FAM193A: variants seen among roughly 807,000 people sequenced by gnomAD.
FAM193A encodes the protein family with sequence similarity 193 member A, also known as protein FAM193A.
In FAM193A, 22 loss-of-function variants were observed where a neutral mutation model predicts 126.5. The ratio of observed to expected loss-of-function variants is 0.17; its 90% confidence interval spans 0.12 to 0.25. The LOEUF (loss-of-function observed/expected upper bound fraction) is 0.25. FAM193A is among the 10% of genes least tolerant of loss of function. The pLI is 1.00. For missense variants in FAM193A, 1,675 were observed against 1,672.8 expected, an observed-to-expected ratio of 1.00 and a Z score of -0.02; for synonymous variants, 761 against 646.8, an observed-to-expected ratio of 1.18 and a Z score of -2.68.
intron 15 of FAM193A, among the ~76,000 whole-genome samples, chr4:2,693,100 G>A (rs950863390): frequency 6.6e-6 from 1 of 152,004 alleles, no homozygotes; most frequent in African/African-American, 2.4e-5. Context: ...CCAGGCTGCT[G>A]GAGTGCAGTG....
At position 2,690,952 on chromosome 4, in the gene FAM193A, A is replaced by C; in HGVS notation, c.2785A>C (p.Lys929Gln). The C allele has an allele frequency of 6.2e-7, 1 of 1,613,228 alleles. No individual in the cohort carries two copies. The highest frequency in any genetic ancestry group is 8.5e-7 in the Non-Finnish European group (1 of 1,179,336). ...SSNSQFRVSS[K>Q]RPPSVGDVFH... is the part of the protein sequence containing the mutation. ...CAACAGCCAGTTCAGAGTGTCATCC[A>C]AGAGACCTCCTTCAGTAGGTAAGGC... The change falls in exon 15 of 21, where the codon AAG becomes CAG. Residue 929 changes from lysine to glutamine, a missense_variant. Lys to Gln is a moderately conservative substitution (Grantham distance 53). This residue lies in a region of FAM193A where 1,186 missense variants were observed against 1,109.2 expected (regional missense o/e 1.07). Transcript: ENST00000637812.
intron 19 of FAM193A, among the ~76,000 whole-genome samples, chr4:2,706,875 C>T (rs1718371116): frequency 6.6e-6 from 1 of 151,134 alleles, no homozygotes; most frequent in Non-Finnish European, 1.5e-5. Context: ...AATCCCAGCA[C>T]TTTGGGAGGC....
At chr4:2,559,666 T>A (rs1378056804) in intron 1 of FAM193A, among the ~76,000 whole-genome samples, 2 of 152,194 alleles carry the variant, frequency 1.3e-5, no homozygotes, top group Middle Eastern at 3.2e-3. Context: ...GTGAACACAC[T>A]CTGCTGCTTC....
rs935719139 is a variant in FAM193A at position 2,657,792 on chromosome 4, C to G, written c.1312-11C>G. ...TTTCTTTTTTTTCTGTTTTTTACAT[C>G]CCCTTACTAGATGACAATGAAAACC... On this transcript the variant is annotated splice_polypyrimidine_tract_variant and intron_variant, in intron 7 of 20. Transcript: ENST00000637812. The G allele has an allele frequency of 8.2e-6, 13 of 1,583,700 alleles. No homozygotes were observed. The highest frequency in any genetic ancestry group is 1.1e-5 in the Non-Finnish European group (13 of 1,166,230).
chr4:2,627,985 G>T (rs553429248), intron 4 of FAM193A, among the ~76,000 whole-genome samples: 425 of 152,012 alleles, frequency 2.8e-3, no homozygotes, highest in African/African-American at 7.8e-3. Flanking sequence ...GTTGTGATCT[G>T]CCCGCCTCGG....
chr4:2,541,970 C>G (rs1449380895), intron 1 of FAM193A, among the ~76,000 whole-genome samples: 1 of 151,922 alleles, frequency 6.6e-6, no homozygotes, highest in East Asian at 1.9e-4. Context: ...CCTGCCTCAG[C>G]CTCCCGAGTA....
In FAM193A at chr4:2,559,244, C is replaced by T. The variant is rs114668359; in HGVS notation, c.255+22074C>T. On this transcript the variant is annotated intron_variant, in intron 1 of 20. Transcript: ENST00000637812. The stretch of plus-strand genomic sequence containing the variant: ...AGAACTTCAGAACTGGAGGGGACAA[C>T]GACAGAGCCCCTGTTTATTGCCAAG... Among the ~76,000 whole-genome samples the T allele has an allele frequency of 6.5e-3, 983 of 152,204 alleles. 13 individuals are homozygous for T. The highest frequency in any genetic ancestry group is 0.023 in the African/African-American group (941 of 41,540).
chr4:2,679,956 T>C (rs1313560467), intron 13 of FAM193A, among the ~76,000 whole-genome samples: 2 of 151,112 alleles, frequency 1.3e-5, no homozygotes, highest in Admixed American at 6.6e-5. Flanking sequence ...GCCTCTCAGA[T>C]TCTAAGCGAT....
chr4:2,545,232 A>T (rs779334703), intron 1 of FAM193A, among the ~76,000 whole-genome samples: 2 of 152,238 alleles, frequency 1.3e-5, no homozygotes, highest in African/African-American at 2.4e-5. Context: ...ACCTCAGGTG[A>T]TCTGCCAGCC....
At chr4:2,567,399 C>T (rs1240095478) in intron 1 of FAM193A, among the ~76,000 whole-genome samples, 1 of 152,152 alleles carries the variant, frequency 6.6e-6, no homozygotes, top group East Asian at 1.9e-4. Context: ...GGACCTTTTT[C>T]AGCAAAGACT....
rs28586572 is a variant in FAM193A at position 2,706,954 on chromosome 4, C to G, written c.4372+6410C>G. 3.8e-3 allele frequency among the ~76,000 whole-genome samples: 585 copies of G among 152,024 alleles called. 3 individuals are homozygous for G. Among genetic ancestry groups the G allele is most frequent in the African/African-American group, 0.014 (567 of 41,454 alleles). On this transcript the variant is annotated intron_variant, in intron 19 of 20. Transcript: ENST00000637812. ...TGGCCAACATGGTGAAACACCATCT[C>G]TACTAAAGATAAAAAAAATTAGCCA... is the stretch of plus-strand genomic sequence containing the variant.
intron 5 of FAM193A, among the ~76,000 whole-genome samples, chr4:2,636,218 C>A (rs770557493): frequency 2.0e-5 from 3 of 151,884 alleles, no homozygotes; most frequent in Non-Finnish European, 4.4e-5. Flanking sequence ...TGGGTGCCAC[C>A]ACGCCAGGCT....
intron 2 of FAM193A, among the ~76,000 whole-genome samples, chr4:2,597,340 GT>G (rs1230208578): frequency 3.3e-5 from 5 of 152,060 alleles, no homozygotes; most frequent in African/African-American, 1.2e-4. Flanking sequence ...TCTTTGTGTG[GT>G]TTTTTTGTTT....
chr4:2,620,924 G>A (rs892739406), intron 2 of FAM193A, among the ~76,000 whole-genome samples: 5 of 151,726 alleles, frequency 3.3e-5, no homozygotes, highest in African/African-American at 7.3e-5. Context: ...GAATATGGCC[G>A]GGGCAGATTT....
chr4:2,558,083 G>A (rs528645905), intron 1 of FAM193A, among the ~76,000 whole-genome samples: 1 of 152,256 alleles, frequency 6.6e-6, no homozygotes, highest in East Asian at 1.9e-4. Flanking sequence ...GACCAGTCTG[G>A]CCAACACGGT....
chr4:2,569,424 C>T (rs1307813558), intron 1 of FAM193A, among the ~76,000 whole-genome samples: 1 of 152,100 alleles, frequency 6.6e-6, no homozygotes, highest in Non-Finnish European at 1.5e-5. Context: ...TTTATCGAAT[C>T]CTATTTATTT....
intron 5 of FAM193A, among the ~76,000 whole-genome samples, chr4:2,639,318 G>T (rs1232304719): frequency 6.6e-6 from 1 of 152,110 alleles, no homozygotes; most frequent in African/African-American, 2.4e-5. Flanking sequence ...TCTCCAAATA[G>T]GTAAGAAAAT....
intron 2 of FAM193A, among the ~76,000 whole-genome samples, chr4:2,617,533 G>T (rs1382154869): frequency 6.6e-6 from 1 of 151,374 alleles, no homozygotes; most frequent in Non-Finnish European, 1.5e-5. Flanking sequence ...CAAAGTGCTG[G>T]GATTACAGGC....
upstream of FAM193A, among the ~76,000 whole-genome samples, chr4:2,536,014 G>A (rs1048274725): frequency 5.3e-5 from 8 of 152,216 alleles, no homozygotes; most frequent in East Asian, 1.9e-4. Flanking sequence ...GGGATTCTGT[G>A]GTCCTCACTG....
Sources: gnomAD v4.1 joint callset for allele counts (sites outside exome capture counted in the v4.1 genomes callset) on GRCh38, gnomAD v4.1.1 for gene constraint, gnomAD v4.1.1 regional missense constraint, MANE v1.5 for transcripts, NCBI Gene and HGNC (gene_info 2026-07-23, HGNC 2026-07-21) for gene names.